FAT3: variants seen among roughly 807,000 people sequenced by gnomAD.
FAT3 encodes FAT atypical cadherin 3.
Under a neutral mutation model 310.2 loss-of-function variants are expected in FAT3, and 95 were observed. The ratio of observed to expected loss-of-function variants is 0.31; its 90% CI spans 0.26 to 0.36. FAT3 has a LOEUF of 0.36. Ranked by LOEUF, FAT3 falls within the 10% of genes least tolerant of loss-of-function variation. FAT3 has a pLI of 1.00. For synonymous variants in FAT3, 2,314 were observed against 2,192.9 expected, an observed-to-expected ratio of 1.06 and a Z score of -1.54; for missense variants, 5,408 against 5,715.6, an observed-to-expected ratio of 0.95 and a Z score of 1.74.
At chr11:92,821,841 A>G (rs1031663683) in intron 13 of FAT3, among the ~76,000 whole-genome samples, 2 of 152,134 alleles carry the variant, frequency 1.3e-5, no homozygotes, top group Non-Finnish European at 2.9e-5. Flanking sequence ...ACCTCCTACC[A>G]GTGTTAGGAC....
At chr11:92,583,301 T>C (rs946824904) in intron 3 of FAT3, among the ~76,000 whole-genome samples, 1 of 152,048 alleles carries the variant, frequency 6.6e-6, no homozygotes, top group Non-Finnish European at 1.5e-5. Flanking sequence ...CTTTACAAGA[T>C]AGCTTTCTCC....
chr11:92,487,453 G>A (rs538868238), intron 2 of FAT3, among the ~76,000 whole-genome samples: 6 of 152,100 alleles, frequency 3.9e-5, no homozygotes, highest in South Asian at 2.1e-4. Context: ...CTCATTTTAC[G>A]GAAAGAACTG....
At chr11:92,444,385 T>C (rs1951159752) in intron 2 of FAT3, among the ~76,000 whole-genome samples, 1 of 152,184 alleles carries the variant, frequency 6.6e-6, no homozygotes, top group African/African-American at 2.4e-5. Context: ...TGTACTATTA[T>C]ATTGTCATGT....
chr11:92,315,502 T>TAGAGAG (rs1415756584), intron 1 of FAT3, among the ~76,000 whole-genome samples: 4 of 91,752 alleles, frequency 4.4e-5, no homozygotes, highest in East Asian at 3.0e-4. Context: ...TATATATATA[T>TAGAGAG]ATATATATAT....
At chr11:92,507,309 A>G (rs921403986) in intron 2 of FAT3, among the ~76,000 whole-genome samples, 1 of 152,130 alleles carries the variant, frequency 6.6e-6, no homozygotes, top group Admixed American at 6.6e-5. Flanking sequence ...AGAAAACCAT[A>G]CACTTCCCTC....
rs1949894299 is a variant in FAT3 at position 92,890,581 on chromosome 11, C to A, written c.13238C>A (p.Ser4413Tyr). The change falls in exon 28 of 28, where the codon TCT becomes TAT. Residue 4413 changes from serine (S) to tyrosine (Y), a missense_variant. This residue lies in a region of FAT3 where 649 missense variants were observed against 666.2 expected (regional missense o/e 0.97). Coordinates refer to ENST00000525166, the MANE Select transcript of FAT3 (RefSeq NM_001367949.2). ...VPNYENQDGG[S>Y]AHQGSTRELE... is the part of the protein sequence containing the mutation. Reference sequence around the variant, plus strand: ...AACTATGAGAACCAGGATGGAGGGTCTGCACACCAGGGGAGCACACGGGAG... The same window carrying A: ...AACTATGAGAACCAGGATGGAGGGTATGCACACCAGGGGAGCACACGGGAG... 1 of 1,613,390 alleles carries A rather than the reference C, an allele frequency of 6.2e-7. No individual in the cohort carries two copies. The highest frequency in any genetic ancestry group is 8.5e-7 in the Non-Finnish European group (1 of 1,179,786).
At chr11:92,242,142 T>A (rs991077909) in intron 1 of FAT3, among the ~76,000 whole-genome samples, 1 of 152,062 alleles carries the variant, frequency 6.6e-6, no homozygotes, top group African/African-American at 2.4e-5. Flanking sequence ...CATTGAGAAC[T>A]CTAGGATGAG....
chr11:92,813,396 C>T (rs1465634189), intron 13 of FAT3, among the ~76,000 whole-genome samples: 2 of 152,112 alleles, frequency 1.3e-5, no homozygotes, highest in Non-Finnish European at 2.9e-5. Flanking sequence ...TATAGTAAAC[C>T]ATCAGAGCTA....
At chr11:92,703,424 C>T (rs954629652) in intron 4 of FAT3, among the ~76,000 whole-genome samples, 2 of 152,136 alleles carry the variant, frequency 1.3e-5, no homozygotes, top group Non-Finnish European at 2.9e-5. Context: ...CTCTTTCTGC[C>T]ACCTTCAGAG....
intron 3 of FAT3, among the ~76,000 whole-genome samples, chr11:92,619,017 C>T (rs1024807212): frequency 4.6e-5 from 7 of 152,096 alleles, no homozygotes; most frequent in Non-Finnish European, 7.4e-5. Context: ...AAGTTCTCTT[C>T]TATTCTGATT....
At chr11:92,603,940 T>G (rs897723585) in intron 3 of FAT3, among the ~76,000 whole-genome samples, 1 of 152,208 alleles carries the variant, frequency 6.6e-6, no homozygotes, top group African/African-American at 2.4e-5. Context: ...TTTCCCTTCA[T>G]GCTCAGTCCA....
intron 3 of FAT3, among the ~76,000 whole-genome samples, chr11:92,584,945 T>G (rs2135543662): frequency 6.6e-6 from 1 of 152,154 alleles, no homozygotes. Context: ...TTACTTAGAT[T>G]ATTTGAGCTA....
intron 7 of FAT3, among the ~76,000 whole-genome samples, chr11:92,788,199 A>T (rs945832976): frequency 6.6e-6 from 1 of 152,206 alleles, no homozygotes; most frequent in African/African-American, 2.4e-5. Flanking sequence ...AAAGAATACT[A>T]GAGTTATGTC....
intron 3 of FAT3, among the ~76,000 whole-genome samples, chr11:92,567,799 C>A (rs1366359289): frequency 2.6e-5 from 4 of 151,302 alleles, no homozygotes; most frequent in African/African-American, 4.9e-5. Context: ...AAAAACCAAG[C>A]ACCGCATATT....
At chr11:92,877,738 T>C (rs1241755965) in intron 22 of FAT3, among the ~76,000 whole-genome samples, 1 of 152,180 alleles carries the variant, frequency 6.6e-6, no homozygotes, top group Non-Finnish European at 1.5e-5. Context: ...AAGCAATGGT[T>C]ACAAGTAAAG....
intron 3 of FAT3, among the ~76,000 whole-genome samples, chr11:92,624,971 C>T (rs1941259486): frequency 6.6e-6 from 1 of 152,122 alleles, no homozygotes. Flanking sequence ...CCAGATTTTC[C>T]CCTTTTATTA....
At chr11:92,457,572 C>T (rs1220739926) in intron 2 of FAT3, among the ~76,000 whole-genome samples, 1 of 152,154 alleles carries the variant, frequency 6.6e-6, no homozygotes, top group Non-Finnish European at 1.5e-5. Context: ...TCACCATATC[C>T]AAATTAGCTT....
At chr11:92,412,754 T>TATATATATATATATACAC (rs1565296585) in intron 2 of FAT3, among the ~76,000 whole-genome samples, 3 of 94,920 alleles carry the variant, frequency 3.2e-5, no homozygotes, top group Admixed American at 1.1e-4. Flanking sequence ...TAAATATACA[T>TATATATATATATATACAC]ACATATATAT....
chr11:92,483,356 G>C lies in FAT3; in HGVS notation c.3293-41278G>C, dbSNP rs1275471506. The stretch of plus-strand genomic sequence containing the variant: ...CTTTTCTTTTTCTTTTATTTTTTGA[G>C]GCAGAGTCTCGCTCTGTCTCCCAGG... On this transcript the variant is annotated intron_variant, in intron 2 of 27. Transcript: ENST00000525166. Among the ~76,000 whole-genome samples the C allele has an allele frequency of 2.0e-5, 3 of 149,340 alleles. No individual in the cohort carries two copies. The East Asian group carries it at 5.9e-4, about 29-fold the overall frequency.
Sources: gnomAD v4.1 joint callset for allele counts (sites outside exome capture counted in the v4.1 genomes callset) on GRCh38, gnomAD v4.1.1 for gene constraint, gnomAD v4.1.1 regional missense constraint, MANE v1.5 for transcripts, NCBI Gene and HGNC (gene_info 2026-07-23, HGNC 2026-07-21) for gene names.